The following TBC1D2 variants were observed in gnomAD, a reference collection of about 807,000 sequenced individuals.
TBC1D2 encodes TBC1 domain family member 2.
In TBC1D2, 58 loss-of-function variants were observed where a neutral mutation model predicts 91.1. The observed-to-expected ratio is 0.64, with a 90% confidence interval of 0.52 to 0.79. The LOEUF (loss-of-function observed/expected upper bound fraction) is 0.79. Among genes scored for constraint, TBC1D2 ranks in the 30% least tolerant of loss-of-function variants. TBC1D2 has a pLI of 0.00. For synonymous variants in TBC1D2, 482 were observed against 511.5 expected (o/e 0.94, Z 0.78); for missense variants, 1,080 against 1,208.3 (o/e 0.89, Z 1.57).
chr9:98,227,781 CAA>C (rs142610908), intron 5 of TBC1D2, among the ~76,000 whole-genome samples: 1,605 of 105,992 alleles, frequency 0.015, 34 homozygotes, highest in East Asian at 0.094. Context: ...GACTCTGTCT[CAA>C]AAAAAAAAAA....
At chr9:98,247,728 CAAAAAAAAAA>C (rs58713846) in intron 2 of TBC1D2, among the ~76,000 whole-genome samples, 1 of 70,838 alleles carries the variant, frequency 1.4e-5, no homozygotes, top group African/African-American at 4.6e-5. Context: ...GACTCCGTCT[CAAAAAAAAAA>C]AAAAAAAAAA....
At chr9:98,251,230 G>T (rs1829868014) in intron 2 of TBC1D2, among the ~76,000 whole-genome samples, 1 of 151,968 alleles carries the variant, frequency 6.6e-6, no homozygotes, top group Admixed American at 6.6e-5. Context: ...GGCGGAAGTT[G>T]CAGTGAGCCG....
rs952729 is a variant in TBC1D2 at position 98,228,099 on chromosome 9, A to C, written c.978+853T>G. On this transcript the variant is annotated intron_variant, in intron 5 of 12. Transcript: ENST00000465784. This position sits in a 1 kb window ranked among gnomAD's most constrained non-coding sequence, Gnocchi z 4.0. ...CCGGGCAGCCAAAGTTCAAACACAAAAGCTTAGGCCTTCCTCTAGAGGAAA... is the reference window on the plus strand; with the variant it reads ...CCGGGCAGCCAAAGTTCAAACACAACAGCTTAGGCCTTCCTCTAGAGGAAA... Among the ~76,000 whole-genome samples the C allele has an allele frequency of 7.2e-4, 109 of 152,264 alleles. 1 individual carries two copies. Among genetic ancestry groups the C allele is most frequent in the African/African-American group, 2.4e-3 (99 of 41,558 alleles).
At chr9:98,204,845 G>A (rs1019140754) in intron 9 of TBC1D2, among the ~76,000 whole-genome samples, 5 of 152,200 alleles carry the variant, frequency 3.3e-5, no homozygotes, top group South Asian at 2.1e-4. Context: ...GATAGCAAAC[G>A]TGAGATACAC....
At chr9:98,216,244 C>T (rs1031551033) in intron 6 of TBC1D2, among the ~76,000 whole-genome samples, 2 of 152,188 alleles carry the variant, frequency 1.3e-5, no homozygotes, top group African/African-American at 4.8e-5. Context: ...GCAAGTGCAA[C>T]GTGAGCGTGA....
intron 3 of TBC1D2, among the ~76,000 whole-genome samples, chr9:98,243,707 CT>C (rs1309069273): frequency 6.6e-6 from 1 of 151,914 alleles, no homozygotes; most frequent in African/African-American, 2.4e-5. Context: ...CGGCTAATTA[CT>C]GTATTTTTAG....
intron 7 of TBC1D2, 100 bp downstream of exon 7, chr9:98,213,008 G>A (rs1319897185): frequency 6.1e-6 from 8 of 1,320,788 alleles, no homozygotes; most frequent in South Asian, 5.0e-5. Context: ...AGAGGGAGAG[G>A]GGCAGACAGG....
chr9:98,251,279 A>G (rs1829869087), intron 2 of TBC1D2, among the ~76,000 whole-genome samples: 1 of 151,612 alleles, frequency 6.6e-6, no homozygotes, highest in Admixed American at 6.5e-5. Flanking sequence ...CAACAGAGTG[A>G]GACTCCATCT....
Position 98,251,910 on chromosome 9 carries a change from G to A in TBC1D2, c.386C>T (p.Ala129Val), listed in dbSNP as rs1343094895. The change falls in exon 2 of 13, where the codon GCG becomes GTG. Residue 129 changes from alanine (A) to valine (V), a missense_variant. Transcript: ENST00000465784. ...CAGCTGCTGCAGCCAGTACAGCATC[G>A]CTTGCTTGGTGGCGGCCTGAGAAGC... ...VITLKAATKQ[A>V]MLYWLQQLQM... 2.6e-5 allele frequency: 41 copies of A among 1,598,958 alleles called. No homozygotes were observed. The highest frequency in any genetic ancestry group is 3.3e-5 in the Non-Finnish European group (39 of 1,173,792).
rs954541280 is a variant in TBC1D2 at position 98,250,302 on chromosome 9, G to C, written c.511+1483C>G. ...TGAGCCCTGAGTGCAGGAGTGAGGT[G>C]GTGGGTGGCATTGGATGGCAGTGAC... On this transcript the variant is annotated intron_variant, in intron 2 of 12. Coordinates refer to ENST00000465784, the MANE Select transcript of TBC1D2 (RefSeq NM_001267571.2). Among the ~76,000 whole-genome samples, 4 of 145,092 alleles carry C rather than the reference G, an allele frequency of 2.8e-5. No homozygotes were observed. In the East Asian group the frequency reaches 7.8e-4, roughly 28 times the overall value.
chr9:98,203,642 C>T (rs1828571664), intron 9 of TBC1D2, among the ~76,000 whole-genome samples: 1 of 152,120 alleles, frequency 6.6e-6, no homozygotes, highest in Admixed American at 6.5e-5. Context: ...AGCAGGGGCT[C>T]TGAAATCAGG....
chr9:98,200,492 G>A, intron 11 of TBC1D2, 118 bp from the exon 12 acceptor site: 3 of 864,308 alleles, frequency 3.5e-6, no homozygotes, highest in South Asian at 1.6e-5. Flanking sequence ...TGCGGAAGTT[G>A]AGGCCTGGAG....
At chr9:98,208,163 C>A (rs1400162929) in intron 9 of TBC1D2, among the ~76,000 whole-genome samples, 1 of 152,100 alleles carries the variant, frequency 6.6e-6, no homozygotes, top group Non-Finnish European at 1.5e-5. Flanking sequence ...GGACGAGGGG[C>A]CTGGAGCTCT....
At chr9:98,202,082 A>C (rs3780455) in intron 10 of TBC1D2, among the ~76,000 whole-genome samples, 62,332 of 152,108 alleles carry the variant, frequency 0.41, 13,014 homozygotes, top group African/African-American at 0.5. Flanking sequence ...TCAGCTGACA[A>C]CCACAGCCCC....
chr9:98,211,447 T>TC lies in TBC1D2; in HGVS notation c.1486-605dup, dbSNP rs561971664. On this transcript the variant is annotated intron_variant, in intron 7 of 12. Coordinates refer to ENST00000465784, the MANE Select transcript of TBC1D2 (RefSeq NM_001267571.2). Reference sequence around the variant, plus strand: ...CACCCTCTTCCCTTGCTTGGGACACTCCCCCCAACCCTACCTCACCTTGAA... The same window carrying TC: ...CACCCTCTTCCCTTGCTTGGGACACTCCCCCCCAACCCTACCTCACCTTGAA... Among the ~76,000 whole-genome samples the TC allele has an allele frequency of 1.2e-4, 18 of 151,990 alleles. No homozygotes were observed. In the South Asian group the frequency reaches 3.7e-3, roughly 32 times the overall value.
intron 3 of TBC1D2, among the ~76,000 whole-genome samples, chr9:98,242,302 G>A (rs1363101675): frequency 3.3e-5 from 5 of 152,062 alleles, no homozygotes; most frequent in African/African-American, 1.2e-4. Flanking sequence ...TCAGCCGGGC[G>A]TGGTGGTGGG....
chr9:98,203,244 C>T, intron 10 of TBC1D2, 44 bp downstream of exon 10: 6 of 1,610,056 alleles, frequency 3.7e-6, no homozygotes, highest in Non-Finnish European at 4.2e-6. Context: ...AGCTCTGGGG[C>T]ACTGCCCTAC....
At chr9:98,244,838 C>A (rs1829731936) in intron 2 of TBC1D2, among the ~76,000 whole-genome samples, 1 of 152,052 alleles carries the variant, frequency 6.6e-6, no homozygotes, top group Non-Finnish European at 1.5e-5. Context: ...TTAAGTATAT[C>A]AGAATGTCTT....
At chr9:98,216,640 C>T (rs1380444156) in intron 6 of TBC1D2, among the ~76,000 whole-genome samples, 4 of 152,230 alleles carry the variant, frequency 2.6e-5, no homozygotes, top group African/African-American at 9.6e-5. Flanking sequence ...CTGGGTCTCC[C>T]TCCTTGATAT....
Sources: allele counts gnomAD v4.1 joint callset (sites outside exome capture counted in the v4.1 genomes callset), GRCh38; gene constraint gnomAD v4.1.1; non-coding constraint Gnocchi (gnomAD v3.1); transcripts MANE v1.5; gene names NCBI Gene and HGNC (gene_info 2026-07-23, HGNC 2026-07-21).